FER: variants seen among roughly 807,000 people sequenced by gnomAD.
FER encodes tyrosine-protein kinase Fer.
In FER, 63 loss-of-function variants were observed where a neutral mutation model predicts 111.0. The observed-to-expected ratio is 0.57, with a 90% confidence interval of 0.46 to 0.70. The LOEUF (loss-of-function observed/expected upper bound fraction) is 0.70. Ranked by LOEUF, FER falls within the 30% of genes least tolerant of loss-of-function variation. FER has a pLI of 0.00. For missense variants in FER, 914 were observed against 954.0 expected, an observed-to-expected ratio of 0.96 and a Z score of 0.55; for synonymous variants, 327 against 313.9, an observed-to-expected ratio of 1.04 and a Z score of -0.44.
At chr5:108,881,848 C>T (rs1322105987) in intron 8 of FER, among the ~76,000 whole-genome samples, 2 of 152,066 alleles carry the variant, frequency 1.3e-5, no homozygotes. Context: ...CTCCTAGAGG[C>T]TCCATCTCCA....
intron 3 of FER, 146 bp from the exon 4 acceptor site, chr5:108,832,624 A>G: frequency 4.2e-6 from 2 of 481,338 alleles, no homozygotes; most frequent in Non-Finnish European, 6.7e-6. Flanking sequence ...CCATTCATAG[A>G]TCTTTGAACA....
chr5:108,857,694 T>TATAATTTTAATATAATTTTAATATAATA (rs1763131867), intron 5 of FER, among the ~76,000 whole-genome samples: 1 of 152,160 alleles, frequency 6.6e-6, no homozygotes, highest in Non-Finnish European at 1.5e-5. Context: ...TTGTTTTTAA[T>TATAATTTTAATATAATTTTAATATAATA]ATAAGGAAGG....
chr5:108,990,550 G>C (rs2149744891), intron 13 of FER, among the ~76,000 whole-genome samples: 1 of 151,584 alleles, frequency 6.6e-6, no homozygotes. Flanking sequence ...AAAAATTACA[G>C]GTGAAGAGAA....
intron 17 of FER, among the ~76,000 whole-genome samples, chr5:109,125,497 T>A (rs1380638752): frequency 6.6e-6 from 1 of 152,234 alleles, no homozygotes; most frequent in African/African-American, 2.4e-5. Context: ...GTCATATTTT[T>A]AAAATAATAC....
At chr5:109,018,397 A>G (rs752601805) in intron 13 of FER, among the ~76,000 whole-genome samples, 5 of 151,906 alleles carry the variant, frequency 3.3e-5, no homozygotes, top group South Asian at 2.1e-4. Context: ...AATAATTGAT[A>G]TCTTACCATT....
chr5:109,143,280 A>G (rs1753717162), intron 17 of FER, among the ~76,000 whole-genome samples: 1 of 152,148 alleles, frequency 6.6e-6, no homozygotes, highest in South Asian at 2.1e-4. Context: ...AGTTTACTGT[A>G]TGCCATAAAG....
Position 109,096,442 on chromosome 5 carries a change from T to G in FER, c.1925-3954T>G, listed in dbSNP as rs150534949. On this transcript the variant is annotated intron_variant, in intron 16 of 19. Transcript: ENST00000281092. ...GAGGCAAGTCACACTACAGGCAGTA[T>G]GTAATTTGGTGGCTCAGGCGTGTCA... Among the ~76,000 whole-genome samples the G allele has an allele frequency of 3.9e-5, 6 of 152,044 alleles. No individual in the cohort carries two copies. The East Asian group carries it at 1.2e-3, about 29-fold the overall frequency.
intron 16 of FER, among the ~76,000 whole-genome samples, chr5:109,050,970 C>T (rs1178387299): frequency 6.6e-6 from 1 of 152,164 alleles, no homozygotes; most frequent in African/African-American, 2.4e-5. Context: ...AATTACCACC[C>T]ACTCATTCAC....
chr5:109,066,315 T>G (rs965892887), intron 16 of FER, among the ~76,000 whole-genome samples: 2 of 152,178 alleles, frequency 1.3e-5, no homozygotes, highest in Non-Finnish European at 2.9e-5. Flanking sequence ...TTCATGCCAT[T>G]TGTTGAATAG....
At chr5:108,926,170 C>A (rs761813888) in intron 10 of FER, among the ~76,000 whole-genome samples, 1 of 148,092 alleles carries the variant, frequency 6.8e-6, no homozygotes, top group Non-Finnish European at 1.5e-5. Context: ...TAACTTTTTT[C>A]TTTTATATTA....
intron 13 of FER, among the ~76,000 whole-genome samples, chr5:109,011,059 A>G (rs560906271): frequency 6.6e-6 from 1 of 152,336 alleles, no homozygotes; most frequent in Non-Finnish European, 1.5e-5. Context: ...GTTTTTAAAT[A>G]TGCATATCTA....
intron 19 of FER, 34 bp from the exon 20 acceptor site, chr5:109,187,399 T>TCTAAA (rs769958900): frequency 4.4e-6 from 7 of 1,604,312 alleles, no homozygotes; most frequent in Non-Finnish European, 5.1e-6. Flanking sequence ...TTACCTCCAT[T>TCTAAA]CTAAATTCTG....
In FER at chr5:109,166,300, G is replaced by A. The variant is rs771114586; in HGVS notation, c.2049-14447G>A. The stretch of plus-strand genomic sequence containing the variant: ...TTAGGTTTGTAACTCATAACAAGCC[G>A]GTTAAAATGAGTTCAAAGTTGAAGA... On this transcript the variant is annotated intron_variant, in intron 17 of 19. Coordinates refer to ENST00000281092, the MANE Select transcript of FER (RefSeq NM_005246.4). Among the ~76,000 whole-genome samples the A allele has an allele frequency of 9.2e-5, 14 of 152,064 alleles. No individual in the cohort carries two copies. The South Asian group carries it at 1.0e-3, about 11-fold the overall frequency.
chr5:109,180,835 G>A lies in FER; in HGVS notation c.2137G>A (p.Val713Met). 4.3e-6 allele frequency: 7 copies of A among 1,613,544 alleles called. No individual in the cohort carries two copies. The highest frequency in any genetic ancestry group is 5.9e-6 in the Non-Finnish European group (7 of 1,179,664). Residue 713 changes from valine (V) to methionine (M), a missense_variant, in exon 18 of 20, where the codon GTG becomes ATG. By Grantham distance (21) the Val-to-Met change is conservative. This residue lies in a region of FER where 134 missense variants were observed against 149.4 expected (regional missense o/e 0.90). Transcript: ENST00000281092. ...FGMSRQEDGG[V>M]YSSSGLKQIP... ...AATGTCTCGTCAAGAGGATGGTGGAGTGTATTCATCTTCTGGCTTAAAGCA... is the reference window on the plus strand; with the variant it reads ...AATGTCTCGTCAAGAGGATGGTGGAATGTATTCATCTTCTGGCTTAAAGCA...
chr5:109,100,630 G>T, intron 17 of FER, 111 bp downstream of exon 17: 1 of 1,126,030 alleles, frequency 8.9e-7, no homozygotes, highest in Non-Finnish European at 1.3e-6. Context: ...GTCTTTTCTT[G>T]TTTTCTGTAT....
chr5:109,108,997 G>C (rs1191237637), intron 17 of FER, among the ~76,000 whole-genome samples: 1 of 152,094 alleles, frequency 6.6e-6, no homozygotes, highest in African/African-American at 2.4e-5. Flanking sequence ...TTCAGTCCCA[G>C]GCTTCTCTTT....
intron 17 of FER, among the ~76,000 whole-genome samples, chr5:109,178,272 T>C (rs566520419): frequency 1.4e-3 from 207 of 152,328 alleles, no homozygotes; most frequent in African/African-American, 4.6e-3. Flanking sequence ...CCAAAGGAAG[T>C]AGCATTTTCT....
At chr5:108,935,806 G>A (rs1755384471) in intron 10 of FER, among the ~76,000 whole-genome samples, 1 of 152,060 alleles carries the variant, frequency 6.6e-6, no homozygotes, top group Non-Finnish European at 1.5e-5. Flanking sequence ...CCAACTCTGA[G>A]TTAGAGTCAA....
intron 3 of FER, chr5:108,820,276 T>C (rs1006189662): frequency 1.0e-6 from 1 of 985,296 alleles, no homozygotes; most frequent in Non-Finnish European, 1.2e-6. Flanking sequence ...TATTAATAAA[T>C]AGGAAAAGAT....
Sources: allele counts gnomAD v4.1 joint callset (sites outside exome capture counted in the v4.1 genomes callset), GRCh38; gene constraint gnomAD v4.1.1; regional missense constraint gnomAD v4.1.1; transcripts MANE v1.5; gene names NCBI Gene and HGNC (gene_info 2026-07-23, HGNC 2026-07-21).